FTSJ3: variants seen among roughly 807,000 people sequenced by gnomAD.
The protein encoded by FTSJ3 is pre-rRNA 2'-O-ribose RNA methyltransferase FTSJ3.
Under a neutral mutation model 111.5 loss-of-function variants are expected in FTSJ3, and 46 were observed. The ratio of observed to expected loss-of-function variants is 0.41; its 90% CI spans 0.33 to 0.53. The LOEUF is 0.53. Ranked by LOEUF, FTSJ3 falls within the 20% of genes least tolerant of loss-of-function variation. The pLI, the probability that FTSJ3 is intolerant of heterozygous loss-of-function variation, is 0.19. For missense variants in FTSJ3, 1,075 were observed against 1,063.8 expected, an observed-to-expected ratio of 1.01 and a Z score of -0.15; for synonymous variants, 408 against 383.0, an observed-to-expected ratio of 1.07 and a Z score of -0.76.
rs1425542644 is a variant in FTSJ3, at chr17:63,827,403, C to G, written c.-378G>C. The G allele has an allele frequency of 6.5e-7, 1 of 1,540,282 alleles. No homozygotes were observed. The highest frequency in any genetic ancestry group is 8.8e-7 in the Non-Finnish European group (1 of 1,137,030). ...CCGCCCATTGACCCGGAATTCTTCT[C>G]TGCCTGGTCTTCAGGTCCCAATCCT... On this transcript the variant is annotated 5_prime_UTR_variant, in exon 1 of 21. Coordinates refer to ENST00000427159, the MANE Select transcript of FTSJ3 (RefSeq NM_017647.4).
Position 63,824,166 on chromosome 17 carries a change from C to T in FTSJ3, c.1072G>A (p.Glu358Lys), listed in dbSNP as rs1226450047. 4 of 1,614,046 alleles carry T rather than the reference C, an allele frequency of 2.5e-6. No homozygotes were observed. The highest frequency in any genetic ancestry group is 1.3e-5 in the African/African-American group (1 of 74,910). ...TAGTTKQPSK[E>K]EEEEEEEEQL... is the part of the protein sequence containing the mutation. ...TCCTCCTCCTCCTCTTCCTCCTCCT[C>T]CTTAGAGGGCTGCTTTGTGGTTCCA... is the stretch of plus-strand genomic sequence containing the variant. The change falls in exon 12 of 21, where the codon GAG becomes AAG. Residue 358 changes from glutamate to lysine, a missense_variant. By Grantham distance (56) the Glu-to-Lys change is moderately conservative. Transcript: ENST00000427159.
chr17:63,827,537 C>G lies in FTSJ3; in HGVS notation c.-512G>C. ...CAGGTATGGCGGGTGCAGTGGCGGC[C>G]CGGCAGGTTACGGGGCTGGGTGCGG... On this transcript the variant is annotated 5_prime_UTR_variant, in exon 1 of 21. Coordinates refer to ENST00000427159, the MANE Select transcript of FTSJ3 (RefSeq NM_017647.4). 6.4e-7 allele frequency: 1 copy of G among 1,551,552 alleles called. No homozygotes were observed. Among genetic ancestry groups the G allele is most frequent in the Non-Finnish European group, 8.7e-7 (1 of 1,146,962 alleles).
chr17:63,821,935 C>T (rs375685509), intron 14 of FTSJ3, 49 bp downstream of exon 14: 97 of 1,612,262 alleles, frequency 6.0e-5, no homozygotes, highest in Non-Finnish European at 7.6e-5. Context: ...CCCACCCTAA[C>T]ACTTCCTCAG....
At chr17:63,821,138 A>G (rs1488732834) in intron 16 of FTSJ3, 23 bp from the exon 17 acceptor site, 1 of 1,610,032 alleles carries the variant, frequency 6.2e-7, no homozygotes, top group East Asian at 2.2e-5. Flanking sequence ...GAGGACTCTG[A>G]GTGATTCCAC....
rs773823988 is a variant in FTSJ3, at chr17:63,823,971, G to A, written c.1155-19C>T. 19 of 1,614,138 alleles carry A rather than the reference G, an allele frequency of 1.2e-5. No individual in the cohort carries two copies. The East Asian group carries it at 4.2e-4, about 36-fold the overall frequency. On this transcript the variant is annotated intron_variant, in intron 12 of 20. Transcript: ENST00000427159. ...TTTCTTCCTGAGGGGGTGGATTGAG[G>A]GAGTAAAACCGGCCCAGCTCCAAAG...
rs1283200328 is a variant in FTSJ3 at position 63,821,058 on chromosome 17, C to T, written c.1944G>A (p.Gly648=). ...GGTCCTCAATAGGCACTATCTCAAA[C>T]CCGTCATCATCTGACTTAGGCCCAC... ...RSRGPKSDDD[G]FEIVPIEDPA... is the part of the protein sequence containing the mutation. The change falls in exon 17 of 21, where the codon GGG becomes GGA. Residue 648 remains glycine (G), a synonymous_variant. Coordinates refer to ENST00000427159, the MANE Select transcript of FTSJ3 (RefSeq NM_017647.4). The T allele has an allele frequency of 1.2e-6, 2 of 1,614,206 alleles. No homozygotes were observed. The highest frequency in any genetic ancestry group is 1.7e-6 in the Non-Finnish European group (2 of 1,180,018).
chr17:63,824,045 G>C (rs1196436891), intron 12 of FTSJ3, 39 bp downstream of exon 12: 1 of 1,613,924 alleles, frequency 6.2e-7, no homozygotes, highest in Non-Finnish European at 8.5e-7. Context: ...CACAGTCCCT[G>C]CGTTGGGGAA....
chr17:63,827,486 A>G lies in FTSJ3; in HGVS notation c.-461T>C. On this transcript the variant is annotated 5_prime_UTR_variant, in exon 1 of 21. Coordinates refer to ENST00000427159, the MANE Select transcript of FTSJ3 (RefSeq NM_017647.4). ...GATGCCGGCGGTCTCTGCTGAAGAG[A>G]GAAGATGGCGCTTGACGGACCAGAG... The G allele has an allele frequency of 6.4e-7, 1 of 1,551,654 alleles. No homozygotes were observed. The highest frequency in any genetic ancestry group is 2.0e-5 in the Admixed American group (1 of 50,998).
At chr17:63,822,226 T>TC in intron 13 of FTSJ3, 58 bp from the exon 14 acceptor site, 3 of 1,442,550 alleles carry the variant, frequency 2.1e-6, no homozygotes, top group South Asian at 2.5e-5. Context: ...TGTTTTTTTT[T>TC]CTGTGTCCCT....
chr17:63,827,294 C>T lies in FTSJ3; in HGVS notation c.-269G>A, dbSNP rs984013669. On this transcript the variant is annotated 5_prime_UTR_variant, in exon 1 of 21. Transcript: ENST00000427159. The stretch of plus-strand genomic sequence containing the variant: ...GCAACACTGAGGAGGAGTTCTACTC[C>T]TTCCTCATCCCCTTCCAAAGCCCCT... 22 of 665,842 alleles carry T rather than the reference C, an allele frequency of 3.3e-5. No individual in the cohort carries two copies. The highest frequency in any genetic ancestry group is 8.2e-5 in the Admixed American group (3 of 36,606). The allele number at this position is 665,842 out of a possible 1,614,324, so 41.2% of individuals were successfully genotyped here.
At position 63,826,280 on chromosome 17, in the gene FTSJ3, C is replaced by T. The variant is rs1870817208; in HGVS notation, c.198G>A (p.Met66Ile). Residue 66 changes from methionine (M) to isoleucine (I), a missense_variant, in exon 4 of 21, where the codon ATG becomes ATA. By Grantham distance (10) the Met-to-Ile change is conservative. This residue lies in a region of FTSJ3 where 208 missense variants were observed against 266.9 expected (regional missense o/e 0.78). Transcript: ENST00000427159. Reference sequence around the variant, plus strand: ...CACCCACAATAAGGCTGGATACAGGCATAAACTTGGCAGCTACCTGCAGCC... The same window carrying T: ...CACCCACAATAAGGCTGGATACAGGTATAAACTTGGCAGCTACCTGCAGCC... ...GGWLQVAAKF[M>I]PVSSLIVGVD... 1 of 1,614,046 alleles carries T rather than the reference C, an allele frequency of 6.2e-7. No individual in the cohort carries two copies. The highest frequency in any genetic ancestry group is 1.3e-5 in the African/African-American group (1 of 74,940).
Position 63,826,945 on chromosome 17 carries a change from A to G in FTSJ3, c.-26-17T>C. The stretch of plus-strand genomic sequence containing the variant: ...TCCCTCAATCTGGGGAGAAAGTAGA[A>G]GTTGGGAACGTCTCTTTCCGGAGCA... On this transcript the variant is annotated splice_polypyrimidine_tract_variant and intron_variant, in intron 1 of 20. Coordinates refer to ENST00000427159, the MANE Select transcript of FTSJ3 (RefSeq NM_017647.4). 6 of 1,523,646 alleles carry G rather than the reference A, an allele frequency of 3.9e-6. No homozygotes were observed. The highest frequency in any genetic ancestry group is 1.1e-5 in the South Asian group (1 of 89,250). The allele number at this position is 1,523,646 out of a possible 1,614,324, so 94.4% of individuals were successfully genotyped here. A position where few individuals can be genotyped will look rare whatever the true frequency, so the allele number is the denominator to read the frequency against.
chr17:63,824,262 T>G, intron 11 of FTSJ3, 23 bp from the exon 12 acceptor site: 2 of 1,614,160 alleles, frequency 1.2e-6, no homozygotes, highest in South Asian at 2.2e-5. Flanking sequence ...TCCCAAGAGT[T>G]GGGTTATTTT....
At position 63,826,264 on chromosome 17, in the gene FTSJ3, T is replaced by C; in HGVS notation, c.214A>G (p.Ile72Val). The part of the protein sequence containing the change: ...AAKFMPVSSL[I>V]VGVDLVPIKP... Reference sequence around the variant, plus strand: ...AGAGCTGTCCGTTACTCACCCACAATAAGGCTGGATACAGGCATAAACTTG... The same window carrying C: ...AGAGCTGTCCGTTACTCACCCACAACAAGGCTGGATACAGGCATAAACTTG... The change falls in exon 4 of 21, where the codon ATT becomes GTT. Residue 72 changes from isoleucine to valine, a missense_variant. Transcript: ENST00000427159. 1 of 1,614,124 alleles carries C rather than the reference T, an allele frequency of 6.2e-7. No individual in the cohort carries two copies. The highest frequency in any genetic ancestry group is 8.5e-7 in the Non-Finnish European group (1 of 1,179,992).
rs781604239 is a variant in FTSJ3, at chr17:63,822,039, C to T, written c.1420G>A (p.Asp474Asn). Residue 474 changes from aspartate (D) to asparagine (N), a missense_variant, in exon 14 of 21, where the codon GAT becomes AAT. Asp to Asn is a conservative substitution (Grantham distance 23). Transcript: ENST00000427159. ...GDDTSLDSDL[D>N]PEELAGVRGH... ...CTGACTCCTGCCAGCTCCTCTGGAT[C>T]CAGGTCACTATCCAGAGATGTGTCA... 2 of 1,614,170 alleles carry T rather than the reference C, an allele frequency of 1.2e-6. No homozygotes were observed. Among genetic ancestry groups the T allele is most frequent in the East Asian group, 4.5e-5 (2 of 44,884 alleles).
In FTSJ3 at chr17:63,821,126, G is replaced by C. The variant is rs759055227; in HGVS notation, c.1887-11C>G. ...CGGAGGGGTTCCCAGCTGTGAAGAG[G>C]GGAGGACTCTGAGTGATTCCACCAC... On this transcript the variant is annotated splice_polypyrimidine_tract_variant and intron_variant, in intron 16 of 20. Coordinates refer to ENST00000427159, the MANE Select transcript of FTSJ3 (RefSeq NM_017647.4). The C allele has an allele frequency of 6.2e-7, 1 of 1,613,284 alleles. No homozygotes were observed. Among genetic ancestry groups the C allele is most frequent in the South Asian group, 1.1e-5 (1 of 91,058 alleles).
Position 63,821,388 on chromosome 17 carries a change from T to C in FTSJ3, c.1852A>G (p.Ser618Gly). ...EGEEKDGISD[S>G]DSSTSSEEEE... ...TCCTCACTGCTAGTACTGCTATCAC[T>C]GTCTGAGATGCCATCCTTTTCTTCC... The change falls in exon 16 of 21, where the codon AGT (serine) becomes GGT (glycine). Residue 618 changes from serine to glycine, a missense_variant. Around this residue, in one of 2 missense-constraint regions of FTSJ3, gnomAD observed 867 missense variants for 796.9 expected, o/e 1.09. Transcript: ENST00000427159. The C allele has an allele frequency of 8.1e-6, 13 of 1,613,678 alleles. No individual in the cohort carries two copies. Among genetic ancestry groups the C allele is most frequent in the Non-Finnish European group, 1.0e-5 (12 of 1,179,974 alleles).
In FTSJ3 at chr17:63,819,510, T is replaced by A; in HGVS notation, c.*292A>T. On this transcript the variant is annotated 3_prime_UTR_variant, in exon 21 of 21. Transcript: ENST00000427159. ...GTGGCCCACACGTCCAGGTGTAGAC[T>A]GACTACATTGAGTATCGCTCCAACA... 2.8e-6 allele frequency: 1 copy of A among 355,650 alleles called. No individual in the cohort carries two copies. Among genetic ancestry groups the A allele is most frequent in the Non-Finnish European group, 5.1e-6 (1 of 194,594 alleles). The allele number at this position is 355,650 out of a possible 1,614,324, so 22.0% of individuals were successfully genotyped here.
rs1470448034 is a variant in FTSJ3, at chr17:63,824,554, A to C, written c.917+83T>G. 50 of 1,426,088 alleles carry C rather than the reference A, an allele frequency of 3.5e-5. No homozygotes were observed. In the East Asian group the frequency reaches 1.1e-3, roughly 30 times the overall value. 88.3% of individuals were successfully genotyped at this position (1,426,088 alleles called of 1,614,324 possible). ...CCCCATCCCAAACCTTTAGCACAGC[A>C]ATATCCTCTTCCCAGAGGTCCAACA... On this transcript the variant is annotated intron_variant, in intron 10 of 20. Transcript: ENST00000427159.
Sources: allele counts gnomAD v4.1 joint callset, GRCh38; gene constraint gnomAD v4.1.1; regional missense constraint gnomAD v4.1.1; transcripts MANE v1.5; gene names NCBI Gene and HGNC (gene_info 2026-07-23, HGNC 2026-07-21).